Variants in AMBRA1 observed in about 807,000 individuals in gnomAD.
AMBRA1 encodes the protein activating molecule in BECN1-regulated autophagy protein 1.
In AMBRA1, 47 loss-of-function variants were observed where a neutral mutation model predicts 125.4. The ratio of observed to expected loss-of-function variants is 0.37; its 90% confidence interval spans 0.30 to 0.48. The LOEUF (loss-of-function observed/expected upper bound fraction) is 0.48. Among genes scored for constraint, AMBRA1 ranks in the 20% least tolerant of loss-of-function variants. The pLI, the probability that AMBRA1 is intolerant of heterozygous loss-of-function variation, is 0.99. For synonymous variants in AMBRA1, 626 were observed against 655.5 expected (o/e 0.95, Z 0.69); for missense variants, 1,331 against 1,693.4 (o/e 0.79, Z 3.76).
chr11:46,466,739 T>C (rs954956608), intron 11 of AMBRA1, among the ~76,000 whole-genome samples: 1 of 152,130 alleles, frequency 6.6e-6, no homozygotes, highest in Non-Finnish European at 1.5e-5. Flanking sequence ...TACCTACCCA[T>C]AATTTTTAAA....
At chr11:46,488,709 T>G (rs925750857) in intron 11 of AMBRA1, among the ~76,000 whole-genome samples, 5 of 152,100 alleles carry the variant, frequency 3.3e-5, no homozygotes, top group African/African-American at 1.2e-4. Flanking sequence ...TACTAAGCCA[T>G]AAAACAAGTT....
At chr11:46,512,849 C>G (rs761886990) in intron 7 of AMBRA1, 36 bp from the exon 8 acceptor site, 2 of 1,570,794 alleles carry the variant, frequency 1.3e-6, no homozygotes, top group Non-Finnish European at 1.7e-6. Context: ...TAATCCCTGT[C>G]AATTACCAAC....
intron 14 of AMBRA1, 100 bp from the exon 15 acceptor site, chr11:46,418,152 G>A (rs1209417345): frequency 1.6e-6 from 2 of 1,228,158 alleles, no homozygotes; most frequent in Non-Finnish European, 2.1e-6. Context: ...AAGGAGGAAA[G>A]GAGGTGGTTA....
chr11:46,515,592 T>C (rs1951442194), intron 7 of AMBRA1, among the ~76,000 whole-genome samples: 1 of 152,200 alleles, frequency 6.6e-6, no homozygotes, highest in Non-Finnish European at 1.5e-5. Context: ...CTGAGTGAGA[T>C]GAGATGATTT....
intron 1 of AMBRA1, among the ~76,000 whole-genome samples, chr11:46,582,035 A>G (rs2044193308): frequency 6.6e-6 from 1 of 150,686 alleles, no homozygotes; most frequent in Non-Finnish European, 1.5e-5. Context: ...AGGATCCTTG[A>G]GCCTAGAAGG....
At chr11:46,527,622 T>C (rs924055620) in intron 7 of AMBRA1, among the ~76,000 whole-genome samples, 1 of 149,384 alleles carries the variant, frequency 6.7e-6, no homozygotes, top group African/African-American at 2.5e-5. Context: ...CAAATAACCA[T>C]ACTAAACAAT....
chr11:46,541,868 AC>A, intron 7 of AMBRA1, 76 bp downstream of exon 7: 1 of 1,560,286 alleles, frequency 6.4e-7, no homozygotes, highest in South Asian at 1.2e-5. Flanking sequence ...AGATACAGCC[AC>A]AACATCTATA....
In AMBRA1 at chr11:46,504,728, T is replaced by G. The variant is rs552845523; in HGVS notation, c.2339+3463A>C. 9.8e-5 allele frequency: 15 copies of G among 152,318 alleles called. No individual in the cohort carries two copies. In the East Asian group the frequency reaches 2.9e-3, roughly 29 times the overall value. 9.4% of individuals were successfully genotyped at this position (152,318 alleles called of 1,614,324 possible). On this transcript the variant is annotated intron_variant, in intron 9 of 17. Coordinates refer to ENST00000683756, the MANE Select transcript of AMBRA1 (RefSeq NM_001387011.1). ...TGCTGACCAACCTCCAAAGCCACCC[T>G]CCCAAGAGATAAATCTCAATGGTCT...
intron 8 of AMBRA1, among the ~76,000 whole-genome samples, chr11:46,508,607 T>C (rs1412057556): frequency 6.6e-6 from 1 of 152,232 alleles, no homozygotes; most frequent in Non-Finnish European, 1.5e-5. Context: ...ACCAGACATC[T>C]TCTGAGGAAA....
intron 11 of AMBRA1, among the ~76,000 whole-genome samples, chr11:46,478,645 TCTC>T (rs1382340448): frequency 2.0e-5 from 2 of 100,114 alleles, no homozygotes; most frequent in Non-Finnish European, 4.0e-5. Flanking sequence ...TTTTCTTTTT[TCTC>T]TTTTTTTTTT....
Position 46,548,566 on chromosome 11 carries a change from A to G in AMBRA1, c.-120-66T>C, listed in dbSNP as rs539960389. The G allele has an allele frequency of 7.2e-5, 45 of 625,590 alleles. No individual in the cohort carries two copies. The African/African-American group carries it at 7.9e-4, about 11-fold the overall frequency. 38.8% of individuals were successfully genotyped at this position (625,590 alleles called of 1,614,324 possible). A position where few individuals can be genotyped will look rare whatever the true frequency, so the allele number is the denominator to read the frequency against. On this transcript the variant is annotated intron_variant, in intron 1 of 17. Coordinates refer to ENST00000683756, the MANE Select transcript of AMBRA1 (RefSeq NM_001387011.1). ...ACGAGAAGCTTCTAATTGCAAATAC[A>G]ATTCTAGCTCAAAAGGGAAATTATA... is the stretch of plus-strand genomic sequence containing the variant.
Position 46,593,899 on chromosome 11 carries a change from A to G in AMBRA1, c.-192T>C, listed in dbSNP as rs2135357883. The G allele has an allele frequency of 2.5e-6, 1 of 398,518 alleles. No individual in the cohort carries two copies. The highest frequency in any genetic ancestry group is 4.4e-6 in the Non-Finnish European group (1 of 226,058). The allele number at this position is 398,518 out of a possible 1,614,324, so 24.7% of individuals were successfully genotyped here. A position where few individuals can be genotyped will look rare whatever the true frequency, so the allele number is the denominator to read the frequency against. ...AGCCACAGGGAAAAAGAAAGAGGAG[A>G]CAGGAATAAAGGAAGGGGTCCGTTC... On this transcript the variant is annotated 5_prime_UTR_variant, in exon 1 of 18. Coordinates refer to ENST00000683756, the MANE Select transcript of AMBRA1 (RefSeq NM_001387011.1).
At chr11:46,582,671 T>G (rs2044218350) in intron 1 of AMBRA1, among the ~76,000 whole-genome samples, 1 of 152,196 alleles carries the variant, frequency 6.6e-6, no homozygotes, top group South Asian at 2.1e-4. Flanking sequence ...TTGGGCAAAT[T>G]GCTTAATTTC....
intron 1 of AMBRA1, among the ~76,000 whole-genome samples, chr11:46,584,090 A>T (rs1447287582): frequency 7.0e-6 from 1 of 143,162 alleles, no homozygotes; most frequent in Non-Finnish European, 1.5e-5. Flanking sequence ...TTATTGCGGC[A>T]CTATTCACAA....
intron 12 of AMBRA1, among the ~76,000 whole-genome samples, chr11:46,442,828 C>T (rs1240228538): frequency 6.6e-6 from 1 of 152,198 alleles, no homozygotes; most frequent in Non-Finnish European, 1.5e-5. Context: ...AAAATTTCAG[C>T]TTCAGATATG....
At chr11:46,489,067 ATTTTT>A (rs902842292) in intron 11 of AMBRA1, among the ~76,000 whole-genome samples, 3 of 148,660 alleles carry the variant, frequency 2.0e-5, no homozygotes, top group Non-Finnish European at 4.5e-5. Flanking sequence ...CGCCCGGTTA[ATTTTT>A]TTTTTTATTA....
At chr11:46,473,672 G>A (rs769569186) in intron 11 of AMBRA1, among the ~76,000 whole-genome samples, 2 of 152,200 alleles carry the variant, frequency 1.3e-5, no homozygotes, top group East Asian at 3.8e-4. Flanking sequence ...TTGTTTTTGA[G>A]ACGGAGTCTC....
At chr11:46,532,867 G>A (rs1389686811) in intron 7 of AMBRA1, among the ~76,000 whole-genome samples, 2 of 152,072 alleles carry the variant, frequency 1.3e-5, no homozygotes, top group Non-Finnish European at 1.5e-5. Context: ...CACTAACAAC[G>A]CTCATACTCT....
At position 46,494,199 on chromosome 11, in the gene AMBRA1, T is replaced by C. The variant is rs147544015; in HGVS notation, c.2345A>G (p.Asn782Ser). ...AGCTCGGTGCCTGGATCTGTCACCA[T>C]TGTCCCTGAAAAAAATAAAAACACT... The part of the protein sequence containing the change: ...TDLEFEDFED[N>S]GDRSRHRAPR... Residue 782 changes from asparagine (N) to serine (S), a missense_variant, in exon 10 of 18, where the codon AAT becomes AGT. Around this residue, in one of 4 missense-constraint regions of AMBRA1, gnomAD observed 689 missense variants for 776.5 expected, o/e 0.89. Coordinates refer to ENST00000683756, the MANE Select transcript of AMBRA1 (RefSeq NM_001387011.1). 1.8e-4 allele frequency: 283 copies of C among 1,597,282 alleles called. No homozygotes were observed. In the Admixed American group the frequency reaches 2.6e-3, roughly 15 times the overall value.
Sources: gnomAD v4.1 joint callset for allele counts (sites outside exome capture counted in the v4.1 genomes callset) on GRCh38, gnomAD v4.1.1 for gene constraint, gnomAD v4.1.1 regional missense constraint, MANE v1.5 for transcripts, NCBI Gene and HGNC (gene_info 2026-07-23, HGNC 2026-07-21) for gene names.